The following PLEKHM3 variants were observed in gnomAD, a reference collection of about 807,000 sequenced individuals.
PLEKHM3 encodes the protein pleckstrin homology domain-containing family M member 3.
PLEKHM3 carries 45 observed loss-of-function variants against 81.8 expected under a neutral mutation model. The ratio of observed to expected loss-of-function variants is 0.55; its 90% CI spans 0.43 to 0.71. PLEKHM3 has a LOEUF of 0.71. Ranked by LOEUF, PLEKHM3 falls within the 30% of genes least tolerant of loss-of-function variation. The pLI, the probability that PLEKHM3 is intolerant of heterozygous loss-of-function variation, is 0.00. For missense variants in PLEKHM3, 788 were observed against 924.3 expected (o/e 0.85, Z 1.91); for synonymous variants, 352 against 356.4 (o/e 0.99, Z 0.14).
At chr2:208,015,611 A>G (rs1428810732) in intron 1 of PLEKHM3, among the ~76,000 whole-genome samples, 2 of 152,222 alleles carry the variant, frequency 1.3e-5, no homozygotes, top group Non-Finnish European at 2.9e-5. Flanking sequence ...TGTCTTAGTG[A>G]CCTTGGACAC....
intron 6 of PLEKHM3, among the ~76,000 whole-genome samples, chr2:207,882,970 A>G (rs1454863949): frequency 6.6e-6 from 1 of 152,012 alleles, no homozygotes; most frequent in Non-Finnish European, 1.5e-5. Context: ...CTGGTCTCGA[A>G]CTCCTGACCT....
In PLEKHM3 at chr2:207,843,739, C is replaced by G. The variant is rs890907729; in HGVS notation, c.2109-15243G>C. Among the ~76,000 whole-genome samples the G allele has an allele frequency of 6.6e-6, 1 of 152,056 alleles. No homozygotes were observed. The highest frequency in any genetic ancestry group is 2.4e-5 in the African/African-American group (1 of 41,386). On this transcript the variant is annotated intron_variant, in intron 7 of 7. Coordinates refer to ENST00000427836, the MANE Select transcript of PLEKHM3 (RefSeq NM_001080475.3). The surrounding 1 kb of genome is among the most constrained non-coding windows in gnomAD (Gnocchi z 4.4). Reference sequence around the variant, plus strand: ...ATCATTGATATAAATTGCTTTTCCCCCAGTCTTTTCATTTAAATTTCCTTT... The same window carrying G: ...ATCATTGATATAAATTGCTTTTCCCGCAGTCTTTTCATTTAAATTTCCTTT...
At chr2:207,883,631 G>GGAGT (rs1370839885) in intron 6 of PLEKHM3, among the ~76,000 whole-genome samples, 1 of 152,180 alleles carries the variant, frequency 6.6e-6, no homozygotes, top group Non-Finnish European at 1.5e-5. Context: ...AAGCAGCCCT[G>GGAGT]GAGTGAGGCA....
At chr2:207,861,076 G>A in intron 7 of PLEKHM3, 29 bp downstream of exon 7, 1 of 1,606,522 alleles carries the variant, frequency 6.2e-7, no homozygotes, top group South Asian at 1.1e-5. Flanking sequence ...ACATTTGGGT[G>A]TTCTTTTATG....
intron 2 of PLEKHM3, among the ~76,000 whole-genome samples, chr2:207,983,051 AT>A (rs3057253): frequency 0.035 from 4,545 of 130,038 alleles, 163 homozygotes; most frequent in African/African-American, 0.12. Context: ...TTAAACATGG[AT>A]TTTTTTTTTT....
At chr2:207,841,902 T>C (rs1267973947) in intron 7 of PLEKHM3, among the ~76,000 whole-genome samples, 1 of 152,160 alleles carries the variant, frequency 6.6e-6, no homozygotes, top group Non-Finnish European at 1.5e-5. Context: ...TAATTCTATA[T>C]TAAATATACT....
chr2:207,908,884 G>C (rs1377413149), intron 5 of PLEKHM3, among the ~76,000 whole-genome samples: 1 of 152,194 alleles, frequency 6.6e-6, no homozygotes, highest in African/African-American at 2.4e-5. Flanking sequence ...AGCTGTGTCC[G>C]TAATAAGCTG....
At chr2:207,844,442 A>G (rs1292521076) in intron 7 of PLEKHM3, among the ~76,000 whole-genome samples, 1 of 137,034 alleles carries the variant, frequency 7.3e-6, no homozygotes, top group Non-Finnish European at 1.6e-5. Context: ...AGCTGGGACT[A>G]CAGGCGCCCA....
chr2:208,005,953 T>C (rs1692479769), intron 1 of PLEKHM3, among the ~76,000 whole-genome samples: 1 of 152,212 alleles, frequency 6.6e-6, no homozygotes, highest in African/African-American at 2.4e-5. Context: ...TCCATGCTTT[T>C]GTCCAAATTG....
chr2:207,912,939 C>T (rs1385077813), intron 5 of PLEKHM3, among the ~76,000 whole-genome samples: 1 of 152,086 alleles, frequency 6.6e-6, no homozygotes, highest in Non-Finnish European at 1.5e-5. Flanking sequence ...GACCTAAAAG[C>T]CAAGCTCAGG....
At chr2:208,007,095 G>C (rs958661132) in intron 1 of PLEKHM3, among the ~76,000 whole-genome samples, 2 of 152,184 alleles carry the variant, frequency 1.3e-5, no homozygotes, top group Non-Finnish European at 2.9e-5. Flanking sequence ...TCTTAGCTAA[G>C]TGACTTAGAA....
intron 5 of PLEKHM3, among the ~76,000 whole-genome samples, chr2:207,910,904 T>C (rs139659640): frequency 6.6e-6 from 1 of 151,874 alleles, no homozygotes; most frequent in East Asian, 1.9e-4. Context: ...TTGAGAACAT[T>C]GGGAATAAGT....
In PLEKHM3 at chr2:207,853,769, CTATTAT is replaced by C. The variant is rs1481589369; in HGVS notation, c.2108+7330_2108+7335del. ...CAAGTACAAATTGTTCTCATGCTTG[CTATTAT>C]TATTATTTTTTTTTTGACAAAGTCT... On this transcript the variant is annotated intron_variant, in intron 7 of 7. Transcript: ENST00000427836. 5.9e-5 allele frequency among the ~76,000 whole-genome samples: 9 copies of C among 151,728 alleles called. No homozygotes were observed. In the East Asian group the frequency reaches 1.8e-3, roughly 30 times the overall value.
chr2:207,901,691 C>T (rs146320175), intron 6 of PLEKHM3, among the ~76,000 whole-genome samples: 2 of 152,220 alleles, frequency 1.3e-5, no homozygotes, highest in Non-Finnish European at 1.5e-5. Context: ...CCTTCCTCCT[C>T]CCCAGCAAGA....
chr2:207,854,343 T>C (rs1006628632), intron 7 of PLEKHM3, among the ~76,000 whole-genome samples: 2 of 152,172 alleles, frequency 1.3e-5, no homozygotes, highest in Non-Finnish European at 2.9e-5. Context: ...CATGGAAATT[T>C]CTTTCATCTG....
At chr2:207,967,886 A>G (rs961897391) in intron 3 of PLEKHM3, among the ~76,000 whole-genome samples, 2 of 152,090 alleles carry the variant, frequency 1.3e-5, no homozygotes, top group Non-Finnish European at 2.9e-5. Flanking sequence ...GGTGAGTAGA[A>G]CCAGAAACCC....
chr2:207,982,814 G>A (rs1691580874), intron 2 of PLEKHM3, among the ~76,000 whole-genome samples: 2 of 151,978 alleles, frequency 1.3e-5, no homozygotes, highest in Admixed American at 6.6e-5. Flanking sequence ...TCCTGACCTC[G>A]TGATCTGCTT....
intron 7 of PLEKHM3, among the ~76,000 whole-genome samples, chr2:207,860,205 G>GTGTGTGTGTGTT (rs1373983024): frequency 7.1e-6 from 1 of 139,990 alleles, no homozygotes; most frequent in Non-Finnish European, 1.6e-5. Flanking sequence ...GTGTGTGTGT[G>GTGTGTGTGTGTT]TATCTGCATG....
At chr2:207,950,224 G>A (rs1046440869) in intron 3 of PLEKHM3, among the ~76,000 whole-genome samples, 1 of 152,138 alleles carries the variant, frequency 6.6e-6, no homozygotes, top group Non-Finnish European at 1.5e-5. Context: ...TCCTGGTGCT[G>A]AAATCACCCT....
Sources: gnomAD v4.1 joint callset for allele counts (sites outside exome capture counted in the v4.1 genomes callset) on GRCh38, gnomAD v4.1.1 for gene constraint, Gnocchi (gnomAD v3.1) non-coding constraint, MANE v1.5 for transcripts, NCBI Gene and HGNC (gene_info 2026-07-23, HGNC 2026-07-21) for gene names.